Variants in DHX8 observed in about 807,000 individuals in gnomAD.
DHX8 encodes DEAH-box helicase 8.
A neutral mutation model predicts 140.7 loss-of-function variants in DHX8; 67 were observed. The ratio of observed to expected loss-of-function variants is 0.48; its 90% CI spans 0.39 to 0.58. DHX8 has a LOEUF of 0.58. Among genes scored for constraint, DHX8 ranks in the 20% least tolerant of loss-of-function variants. The pLI is 0.00. For synonymous variants in DHX8, 533 were observed against 553.2 expected (o/e 0.96, Z 0.51); for missense variants, 887 against 1,550.7 (o/e 0.57, Z 7.19).
intron 2 of DHX8, chr17:43,533,978 G>A (rs1971101785): frequency 2.0e-6 from 3 of 1,532,140 alleles, no homozygotes; most frequent in South Asian, 1.3e-5. Context: ...TGGGGCTGTG[G>A]AAAGCTACTG....
chr17:43,496,987 T>G (rs2074123951), intron 9 of DHX8, among the ~76,000 whole-genome samples: 1 of 152,176 alleles, frequency 6.6e-6, no homozygotes, highest in African/African-American at 2.4e-5. Flanking sequence ...ATTGTAGTAG[T>G]AAGTGAGCAC....
intron 1 of DHX8, 27 bp from the exon 2 acceptor site, chr17:43,489,417 CTTCTT>C (rs1567673740): frequency 2.2e-6 from 1 of 460,626 alleles, no homozygotes; most frequent in Non-Finnish European, 3.6e-6. Context: ...GTTCATGTCT[CTTCTT>C]TTCTGAATTC....
chr17:43,526,893 C>T (rs566617018), downstream of DHX8: 167 of 290,762 alleles, frequency 5.7e-4, no homozygotes, highest in African/African-American at 3.5e-3. Context: ...GGGTAGTAGT[C>T]GAGGGGCATC....
At chr17:43,486,271 G>A (rs958484456) in intron 1 of DHX8, among the ~76,000 whole-genome samples, 3 of 150,804 alleles carry the variant, frequency 2.0e-5, no homozygotes, top group African/African-American at 7.3e-5. Context: ...GGCAGAGTTG[G>A]GTTTAATAAC....
chr17:43,498,849 G>A lies in DHX8; in HGVS notation c.1301-13G>A, dbSNP rs751014351. The A allele has an allele frequency of 6.3e-7, 1 of 1,583,750 alleles. No individual in the cohort carries two copies. Among genetic ancestry groups the A allele is most frequent in the Admixed American group, 1.8e-5 (1 of 54,234 alleles). ...TTGTTTATGGCTAATTCTTCTTTTG[G>A]GGGGACTTTTAGATGAGGACCTTGA... On this transcript the variant is annotated splice_polypyrimidine_tract_variant and intron_variant, in intron 9 of 22. Transcript: ENST00000262415.
downstream of DHX8, chr17:43,529,255 T>C (rs1970759043): frequency 5.0e-6 from 8 of 1,612,834 alleles, no homozygotes; most frequent in Non-Finnish European, 6.8e-6. Flanking sequence ...AAAACAGTTT[T>C]GGGGTAGAGA....
chr17:43,509,236 T>C (rs1330377828), intron 16 of DHX8, among the ~76,000 whole-genome samples: 1 of 152,094 alleles, frequency 6.6e-6, no homozygotes, highest in Non-Finnish European at 1.5e-5. Flanking sequence ...TCTAAGGTAG[T>C]CCTGGAGAAC....
Position 43,524,570 on chromosome 17 carries a change from C to T in DHX8, c.*723C>T, listed in dbSNP as rs912397307. The stretch of plus-strand genomic sequence containing the variant: ...CCGATGATCAACCATGTCCTCTCCA[C>T]AGAGCACTTCAGTCTGGAGGCCTGA... On this transcript the variant is annotated 3_prime_UTR_variant, in exon 23 of 23. Transcript: ENST00000262415. The T allele has an allele frequency of 4.1e-6, 4 of 985,670 alleles. No homozygotes were observed. Among genetic ancestry groups the T allele is most frequent in the Admixed American group, 6.1e-5 (1 of 16,298 alleles). 61.1% of individuals were successfully genotyped at this position (985,670 alleles called of 1,614,324 possible). A position where few individuals can be genotyped will look rare whatever the true frequency, so the allele number is the denominator to read the frequency against.
chr17:43,507,840 T>C lies in DHX8; in HGVS notation c.2141T>C (p.Ile714Thr), dbSNP rs1969581538. 6.2e-7 allele frequency: 1 copy of C among 1,614,092 alleles called. No individual in the cohort carries two copies. The highest frequency in any genetic ancestry group is 1.3e-5 in the African/African-American group (1 of 74,944). Residue 714 changes from isoleucine to threonine, a missense_variant, in exon 15 of 23, where the codon ATT becomes ACT. Physicochemically the swap from Ile to Thr is moderately conservative, Grantham distance 89. This residue lies in a region of DHX8 where 178 missense variants were observed against 398.5 expected (regional missense o/e 0.45). Coordinates refer to ENST00000262415, the MANE Select transcript of DHX8 (RefSeq NM_004941.3). ...TVQKRQDMKL[I>T]VTSATLDAVK... ...CAGAAACGGCAGGACATGAAGCTGA[T>C]TGTCACCTCAGCCACCTTGGATGCA...
At chr17:43,494,493 G>A (rs1968729441) in intron 8 of DHX8, among the ~76,000 whole-genome samples, 1 of 151,970 alleles carries the variant, frequency 6.6e-6, no homozygotes, top group Non-Finnish European at 1.5e-5. Flanking sequence ...AAGCTGAGGC[G>A]GGCGGGTCAC....
intron 3 of DHX8, among the ~76,000 whole-genome samples, chr17:43,540,853 G>T (rs1262325600): frequency 6.6e-6 from 1 of 152,130 alleles, no homozygotes; most frequent in African/African-American, 2.4e-5. Context: ...TACTAGGCAA[G>T]AAGGGTCCCA....
chr17:43,498,137 GGT>G (rs200576853), intron 9 of DHX8, among the ~76,000 whole-genome samples: 4 of 150,892 alleles, frequency 2.7e-5, no homozygotes. Context: ...GACCTGGGAA[GGT>G]GTTTTTTTTT....
In DHX8 at chr17:43,524,460, CTT is replaced by C; in HGVS notation, c.*615_*616del. On this transcript the variant is annotated 3_prime_UTR_variant, in exon 23 of 23. Coordinates refer to ENST00000262415, the MANE Select transcript of DHX8 (RefSeq NM_004941.3). Reference sequence around the variant, plus strand: ...CCCCTGAAACCAGAACGCAGGGCCTCTTTGCGCTCGGAAACGACGTACAACCC... The same window carrying C: ...CCCCTGAAACCAGAACGCAGGGCCTCTGCGCTCGGAAACGACGTACAACCC... The C allele has an allele frequency of 1.0e-6, 1 of 987,538 alleles. No homozygotes were observed. Among genetic ancestry groups the C allele is most frequent in the Non-Finnish European group, 1.2e-6 (1 of 831,502 alleles). The allele number at this position is 987,538 out of a possible 1,614,324, so 61.2% of individuals were successfully genotyped here. A position where few individuals can be genotyped will look rare whatever the true frequency, so the allele number is the denominator to read the frequency against.
chr17:43,533,852 G>T (rs1056151396), intron 2 of DHX8: 3 of 1,606,892 alleles, frequency 1.9e-6, no homozygotes, highest in Non-Finnish European at 2.5e-6. Context: ...TCCAGGCTGG[G>T]GCTCACCTGG....
chr17:43,525,129 G>A lies in DHX8; in HGVS notation c.*1282G>A. 1 of 985,414 alleles carries A rather than the reference G, an allele frequency of 1.0e-6. No homozygotes were observed. Among genetic ancestry groups the A allele is most frequent in the Non-Finnish European group, 1.2e-6 (1 of 829,952 alleles). The allele number at this position is 985,414 out of a possible 1,614,324, so 61.0% of individuals were successfully genotyped here. ...TCCTTACCTGGCGGAACATCAGGCAGGTCTTGCCAGGCCAGGTTTCGGAAC... is the reference window on the plus strand; with the variant it reads ...TCCTTACCTGGCGGAACATCAGGCAAGTCTTGCCAGGCCAGGTTTCGGAAC... On this transcript the variant is annotated 3_prime_UTR_variant, in exon 23 of 23. Coordinates refer to ENST00000262415, the MANE Select transcript of DHX8 (RefSeq NM_004941.3).
At chr17:43,494,416 T>TG in intron 8 of DHX8, among the ~76,000 whole-genome samples, 1 of 151,868 alleles carries the variant, frequency 6.6e-6, no homozygotes, top group Non-Finnish European at 1.5e-5. Context: ...GTTGGTGGTG[T>TG]GAGGATTAAT....
intron 11 of DHX8, among the ~76,000 whole-genome samples, chr17:43,503,921 TAACAC>T (rs1297603528): frequency 2.0e-5 from 3 of 150,946 alleles, no homozygotes; most frequent in Non-Finnish European, 4.4e-5. Context: ...TTAAAAAGAG[TAACAC>T]GGAGACCTGG....
chr17:43,535,063 C>T (rs1025109216), intron 2 of DHX8, among the ~76,000 whole-genome samples: 1 of 152,234 alleles, frequency 6.6e-6, no homozygotes, highest in Non-Finnish European at 1.5e-5. Context: ...ACTGGCCTTT[C>T]CTGTGGCCCC....
intron 8 of DHX8, among the ~76,000 whole-genome samples, chr17:43,494,714 C>CT (rs1968749822): frequency 7.5e-6 from 1 of 132,726 alleles, no homozygotes; most frequent in African/African-American, 2.8e-5. Flanking sequence ...GAACAAGACT[C>CT]TGTCTCAAAA....
Sources: gnomAD v4.1 joint callset for allele counts (sites outside exome capture counted in the v4.1 genomes callset) on GRCh38, gnomAD v4.1.1 for gene constraint, gnomAD v4.1.1 regional missense constraint, MANE v1.5 for transcripts, NCBI Gene and HGNC (gene_info 2026-07-23, HGNC 2026-07-21) for gene names.